The following P2RX5 variants were observed in gnomAD, a reference collection of about 807,000 sequenced individuals.
The protein encoded by P2RX5 is purinergic receptor P2X 5.
A neutral mutation model predicts 54.1 loss-of-function variants in P2RX5; 46 were observed. The observed-to-expected ratio is 0.85, with a 90% CI of 0.67 to 1.09. P2RX5 has a LOEUF of 1.09. Among genes scored for constraint, P2RX5 ranks in the 50% least tolerant of loss-of-function variants. The pLI, the probability that P2RX5 is intolerant of heterozygous loss-of-function variation, is 0.00. For missense variants in P2RX5, 566 were observed against 549.8 expected (o/e 1.03, Z -0.29); for synonymous variants, 226 against 226.4 (o/e 1.00, Z 0.02).
chr17:3,676,042 G>A (rs2050095541), intron 11 of P2RX5: 2 of 985,372 alleles, frequency 2.0e-6, no homozygotes, highest in African/African-American at 3.5e-5. Flanking sequence ...TCTGTGTGCA[G>A]AGAGAACCCC....
At position 3,673,271 on chromosome 17, in the gene P2RX5, T is replaced by C. The variant is rs1265756927; in HGVS notation, c.*597A>G. The C allele has an allele frequency of 1.0e-6, 1 of 990,466 alleles. No individual in the cohort carries two copies. Among genetic ancestry groups the C allele is most frequent in the Non-Finnish European group, 1.2e-6 (1 of 832,546 alleles). 61.4% of individuals were successfully genotyped at this position (990,466 alleles called of 1,614,324 possible). A position where few individuals can be genotyped will look rare whatever the true frequency, so the allele number is the denominator to read the frequency against. On this transcript the variant is annotated 3_prime_UTR_variant, in exon 12 of 12. Transcript: ENST00000225328. ...ATTGTTTTATGACCAAATAAGAGTG[T>C]CAGAGAATACATATCTTGGGCAGGT...
At chr17:3,690,754 A>C in intron 3 of P2RX5, 74 bp from the exon 4 acceptor site, 3 of 1,468,470 alleles carry the variant, frequency 2.0e-6, no homozygotes, top group Non-Finnish European at 2.9e-6. Flanking sequence ...CAGGAGATAG[A>C]ATAGGGGTTC....
rs1308419534 is a variant in P2RX5 at position 3,682,342 on chromosome 17, C to T, written c.982-364G>A. 5.2e-5 allele frequency: 19 copies of T among 365,444 alleles called. 1 individual carries two copies. The highest frequency in any genetic ancestry group is 4.0e-4 in the South Asian group (18 of 45,488). The allele number at this position is 365,444 out of a possible 1,614,324, so 22.6% of individuals were successfully genotyped here. A position where few individuals can be genotyped will look rare whatever the true frequency, so the allele number is the denominator to read the frequency against. Reference sequence around the variant, plus strand: ...AAGAGAGACCTCCTGGGGACTCTCCCTCTGGTGCAGGAGACAGGCGTGTCG... The same window carrying T: ...AAGAGAGACCTCCTGGGGACTCTCCTTCTGGTGCAGGAGACAGGCGTGTCG... On this transcript the variant is annotated intron_variant, in intron 9 of 11. Coordinates refer to ENST00000225328, the MANE Select transcript of P2RX5 (RefSeq NM_002561.4).
At chr17:3,723,464 A>T in the P2RX5 span, 1 of 1,119,766 alleles carries the variant, frequency 8.9e-7, no homozygotes, top group Non-Finnish European at 1.4e-6. Flanking sequence ...GACACAGAGC[A>T]TCGTAAGGTC....
At chr17:3,682,733 A>AT (rs2142997832) in intron 9 of P2RX5, 1 of 153,406 alleles carries the variant, frequency 6.5e-6, no homozygotes, top group Non-Finnish European at 1.5e-5. Flanking sequence ...AGTCAAAGAA[A>AT]GATGATGGGT....
chr17:3,704,861 C>T, the P2RX5 span, among the ~76,000 whole-genome samples: 1 of 152,112 alleles, frequency 6.6e-6, no homozygotes, highest in Admixed American at 6.6e-5. Flanking sequence ...ACAAAATTAG[C>T]TGGGTGTGAT....
At chr17:3,677,259 T>G in intron 11 of P2RX5, 1 of 985,250 alleles carries the variant, frequency 1.0e-6, no homozygotes, top group South Asian at 4.7e-5. Context: ...GCCCAGCCTC[T>G]GAGGAGGGGT....
chr17:3,723,690 G>C, the P2RX5 span: 1 of 1,596,992 alleles, frequency 6.3e-7, no homozygotes. Flanking sequence ...GCGCTTACCT[G>C]AACCGAACTG....
the P2RX5 span, among the ~76,000 whole-genome samples, chr17:3,708,151 C>T: frequency 2.6e-5 from 4 of 151,940 alleles, no homozygotes; most frequent in East Asian, 1.9e-4. Context: ...GGAAGGGCAC[C>T]GTGGTCCTGT....
Position 3,689,545 on chromosome 17 carries a change from G to C in P2RX5, c.700C>G (p.Leu234Val), listed in dbSNP as rs1286384491. ...CCGGCCCAGCGGATCACGGAGCCCAGTCGGAAGATGGGGCAGTAGTGGTTC... is the reference window on the plus strand; with the variant it reads ...CCGGCCCAGCGGATCACGGAGCCCACTCGGAAGATGGGGCAGTAGTGGTTC... ...PKNHYCPIFR[L>V]GSVIRWAGSD... The change falls in exon 7 of 12, where the codon CTG (leucine) becomes GTG (valine). Residue 234 changes from leucine (L) to valine (V), a missense_variant. Leu to Val is a conservative substitution (Grantham distance 32). Coordinates refer to ENST00000225328, the MANE Select transcript of P2RX5 (RefSeq NM_002561.4). 1 of 1,614,080 alleles carries C rather than the reference G, an allele frequency of 6.2e-7. No homozygotes were observed. The highest frequency in any genetic ancestry group is 8.5e-7 in the Non-Finnish European group (1 of 1,180,034).
chr17:3,678,588 CCTCT>C lies in P2RX5; in HGVS notation c.1259+998_1259+1001del, dbSNP rs1167604503. On this transcript the variant is annotated intron_variant, in intron 11 of 11. Coordinates refer to ENST00000225328, the MANE Select transcript of P2RX5 (RefSeq NM_002561.4). ...CCTTGCCCCACTGCTGCAGCCCCTG[CCTCT>C]CTCTCTCCTCACTCTTCTCCAGCCC... is the stretch of plus-strand genomic sequence containing the variant. 3.9e-5 allele frequency among the ~76,000 whole-genome samples: 6 copies of C among 152,316 alleles called. No homozygotes were observed. In the South Asian group the frequency reaches 1.2e-3, roughly 32 times the overall value.
intron 11 of P2RX5, chr17:3,677,558 C>G: frequency 2.0e-6 from 2 of 985,436 alleles, no homozygotes; most frequent in Non-Finnish European, 2.4e-6. Flanking sequence ...CTCTGAGCAA[C>G]CATCATTCTC....
chr17:3,698,790 G>A (rs1318995187), upstream of P2RX5, among the ~76,000 whole-genome samples: 1 of 152,060 alleles, frequency 6.6e-6, no homozygotes, highest in Non-Finnish European at 1.5e-5. Context: ...ATCTAGAGGG[G>A]ACAGGGCTCT....
At chr17:3,698,194 C>T (rs750880333), upstream of P2RX5, among the ~76,000 whole-genome samples, 3 of 152,030 alleles carry the variant, frequency 2.0e-5, no homozygotes, top group African/African-American at 2.4e-5. Context: ...CTAAAGCAGC[C>T]GCCACCGAGT....
At chr17:3,704,457 C>T in the P2RX5 span, among the ~76,000 whole-genome samples, 1 of 152,198 alleles carries the variant, frequency 6.6e-6, no homozygotes, top group Admixed American at 6.5e-5. Context: ...GGACATATCC[C>T]ATTAATAGAC....
At chr17:3,684,835 CTTTTTTTTTTTTT>C (rs138123642) in intron 9 of P2RX5, among the ~76,000 whole-genome samples, 1 of 86,748 alleles carries the variant, frequency 1.2e-5, no homozygotes, top group Non-Finnish European at 2.3e-5. Flanking sequence ...ATCCTGCCCC[CTTTTTTTTTTTTT>C]TTTTTTTTTT....
the P2RX5 span, chr17:3,723,414 C>A: frequency 1.4e-6 from 2 of 1,473,000 alleles, no homozygotes; most frequent in South Asian, 1.1e-5. Flanking sequence ...GAACACAATT[C>A]CTTTCCGTGC....
chr17:3,718,027 A>G, the P2RX5 span: 1 of 152,272 alleles, frequency 6.6e-6, no homozygotes, highest in Non-Finnish European at 1.5e-5. Context: ...CAGATTCCCA[A>G]AAGTGCCCCA....
chr17:3,674,771 A>G (rs541025802), intron 11 of P2RX5, among the ~76,000 whole-genome samples: 1 of 152,286 alleles, frequency 6.6e-6, no homozygotes, highest in South Asian at 2.1e-4. Context: ...AGGCTGCTAT[A>G]ACCTTTCAGA....
Sources: allele counts gnomAD v4.1 joint callset (sites outside exome capture counted in the v4.1 genomes callset), GRCh38; gene constraint gnomAD v4.1.1; transcripts MANE v1.5; gene names NCBI Gene and HGNC (gene_info 2026-07-23, HGNC 2026-07-21).